The following FNDC3A variants were observed in gnomAD, a reference collection of about 807,000 sequenced individuals.
FNDC3A encodes fibronectin type III domain containing 3A, also known as fibronectin type-III domain-containing protein 3A.
Under a neutral mutation model 148.9 loss-of-function variants are expected in FNDC3A, and 32 were observed. The observed-to-expected ratio is 0.21, with a 90% CI of 0.16 to 0.29. The LOEUF (loss-of-function observed/expected upper bound fraction) is 0.29. Among genes scored for constraint, FNDC3A ranks in the 10% least tolerant of loss-of-function variants. The pLI is 1.00. For missense variants in FNDC3A, 1,191 were observed against 1,452.8 expected (o/e 0.82, Z 2.93); for synonymous variants, 472 against 473.6 (o/e 1.00, Z 0.04).
chr13:49,207,350 T>C lies in FNDC3A; in HGVS notation c.3552T>C (p.Phe1184=). The part of the protein sequence containing the change: ...AAVILVLFAF[F]SILIAFIIQY... ...TCATCCTTGTGCTGTTTGCTTTCTT[T>C]TCCATTTTGATTGCCTTTATCATTC... The change falls in exon 26 of 26, where the codon TTT becomes TTC. Residue 1184 remains phenylalanine, a synonymous_variant. Transcript: ENST00000492622. 1 of 1,613,126 alleles carries C rather than the reference T, an allele frequency of 6.2e-7. No individual in the cohort carries two copies. The highest frequency in any genetic ancestry group is 8.5e-7 in the Non-Finnish European group (1 of 1,179,092).
intron 2 of FNDC3A, among the ~76,000 whole-genome samples, chr13:49,055,376 A>G (rs1273788104): frequency 2.0e-5 from 3 of 151,790 alleles, no homozygotes; most frequent in South Asian, 2.1e-4. Context: ...CCTCTTGGCC[A>G]GGGCACTCCA....
In FNDC3A at chr13:49,114,915, A is replaced by G. The variant is rs905855995; in HGVS notation, c.252+184A>G. On this transcript the variant is annotated intron_variant, in intron 4 of 25. Coordinates refer to ENST00000492622, the MANE Select transcript of FNDC3A (RefSeq NM_001079673.2). ...GAAAGGAAGAAAAATTTTTATTGGC[A>G]GCACTCATCATTTGTCCTTGTCTTT... Among the ~76,000 whole-genome samples the G allele has an allele frequency of 1.1e-4, 16 of 152,218 alleles. 1 individual carries two copies. Among genetic ancestry groups the G allele is most frequent in the Admixed American group, 1.0e-3 (16 of 15,282 alleles).
intron 14 of FNDC3A, among the ~76,000 whole-genome samples, chr13:49,184,650 T>C (rs902437118): frequency 2.6e-5 from 4 of 152,024 alleles, no homozygotes; most frequent in African/African-American, 7.2e-5. Context: ...GGGGTTTATA[T>C]TGGGGAGAGA....
rs186856704 is a variant in FNDC3A, at chr13:49,208,653, T to G, written c.*1258T>G. The G allele has an allele frequency of 1.5e-3, 230 of 152,778 alleles. No homozygotes were observed. The highest frequency in any genetic ancestry group is 3.5e-4 in the Non-Finnish European group (24 of 68,034). The allele number at this position is 152,778 out of a possible 1,614,324, so 9.5% of individuals were successfully genotyped here. On this transcript the variant is annotated 3_prime_UTR_variant, in exon 26 of 26. Coordinates refer to ENST00000492622, the MANE Select transcript of FNDC3A (RefSeq NM_001079673.2). The stretch of plus-strand genomic sequence containing the variant: ...GACTGAATTTTGTCAAGTATCACAT[T>G]GTACATCTTGCCTAGATGTCGATGA...
chr13:49,180,714 G>A (rs1885258505), intron 14 of FNDC3A, among the ~76,000 whole-genome samples: 2 of 152,018 alleles, frequency 1.3e-5, no homozygotes, highest in African/African-American at 4.8e-5. Context: ...AAATTCCTTA[G>A]CATTCTACTA....
At chr13:49,103,452 T>A (rs918123986) in intron 3 of FNDC3A, among the ~76,000 whole-genome samples, 3 of 152,220 alleles carry the variant, frequency 2.0e-5, no homozygotes, top group Non-Finnish European at 4.4e-5. Flanking sequence ...GTAAAGAATT[T>A]GGACTTCATC....
chr13:49,073,388 A>G (rs780616114), intron 2 of FNDC3A, among the ~76,000 whole-genome samples: 1 of 152,078 alleles, frequency 6.6e-6, no homozygotes, highest in African/African-American at 2.4e-5. Context: ...TCAAAGAAGG[A>G]TAAATTAAAA....
intron 8 of FNDC3A, among the ~76,000 whole-genome samples, chr13:49,162,424 C>G (rs2138027434): frequency 6.6e-6 from 1 of 152,268 alleles, no homozygotes; most frequent in Admixed American, 6.5e-5. Context: ...GTGCATGTGT[C>G]ACGTAGTTCT....
chr13:49,037,911 T>C (rs76555819), intron 2 of FNDC3A, among the ~76,000 whole-genome samples: 2,177 of 152,314 alleles, frequency 0.014, 47 homozygotes, highest in East Asian at 0.082. Flanking sequence ...ACAGATGGCT[T>C]AAGTGCCTTC....
intron 1 of FNDC3A, among the ~76,000 whole-genome samples, chr13:48,997,398 G>A (rs961601725): frequency 6.6e-6 from 1 of 152,234 alleles, no homozygotes; most frequent in African/African-American, 2.4e-5. Flanking sequence ...GTCAGCGGCT[G>A]AGTGAGAAAG....
chr13:49,086,064 T>C (rs1878790953), intron 3 of FNDC3A, among the ~76,000 whole-genome samples: 1 of 152,136 alleles, frequency 6.6e-6, no homozygotes, highest in Admixed American at 6.5e-5. Context: ...TGTATTTTTG[T>C]AGAGACAAGG....
At chr13:49,148,452 C>T (rs895533772) in intron 8 of FNDC3A, among the ~76,000 whole-genome samples, 7 of 152,158 alleles carry the variant, frequency 4.6e-5, no homozygotes, top group African/African-American at 1.7e-4. Context: ...TTCCTAGCAG[C>T]ATTTATTGAG....
intron 1 of FNDC3A, among the ~76,000 whole-genome samples, 199 bp downstream of exon 1, chr13:48,976,376 G>A (rs975482086): frequency 1.8e-4 from 28 of 152,318 alleles, no homozygotes; most frequent in African/African-American, 6.7e-4. Context: ...GAGGGGCAGT[G>A]GGGCCGGGGA....
At position 49,167,338 on chromosome 13, in the gene FNDC3A, C is replaced by T. The variant is rs757575234; in HGVS notation, c.1037+35C>T. 4.1e-6 allele frequency: 5 copies of T among 1,224,120 alleles called. No individual in the cohort carries two copies. In the East Asian group the frequency reaches 9.7e-5, roughly 24 times the overall value. 75.8% of individuals were successfully genotyped at this position (1,224,120 alleles called of 1,614,324 possible). A position where few individuals can be genotyped will look rare whatever the true frequency, so the allele number is the denominator to read the frequency against. On this transcript the variant is annotated intron_variant, in intron 9 of 25. Coordinates refer to ENST00000492622, the MANE Select transcript of FNDC3A (RefSeq NM_001079673.2). Reference sequence around the variant, plus strand: ...TCCTACAGATTGCCTTTATAAGATACAGCATAAGGGGTTTTTTTTTTAAAT... The same window carrying T: ...TCCTACAGATTGCCTTTATAAGATATAGCATAAGGGGTTTTTTTTTTAAAT...
At chr13:49,190,844 T>C (rs1277677579) in intron 17 of FNDC3A, among the ~76,000 whole-genome samples, 171 bp from the exon 18 acceptor site, 1 of 152,234 alleles carries the variant, frequency 6.6e-6, no homozygotes, top group Non-Finnish European at 1.5e-5. Flanking sequence ...AGTTTTTATT[T>C]AATTGGGTTT....
intron 3 of FNDC3A, among the ~76,000 whole-genome samples, chr13:49,103,796 AAC>A (rs1238318627): frequency 6.6e-6 from 1 of 152,234 alleles, no homozygotes; most frequent in African/African-American, 2.4e-5. Flanking sequence ...TATCATGGGA[AAC>A]ACAGAGGCGG....
At chr13:49,093,703 A>G (rs751768738) in intron 3 of FNDC3A, among the ~76,000 whole-genome samples, 26 of 152,154 alleles carry the variant, frequency 1.7e-4, no homozygotes, top group Non-Finnish European at 3.1e-4. Context: ...TAGTCCAACA[A>G]TGATTAGTTC....
chr13:49,177,943 G>T (rs991008196), intron 13 of FNDC3A, among the ~76,000 whole-genome samples: 3 of 152,158 alleles, frequency 2.0e-5, no homozygotes, highest in Non-Finnish European at 4.4e-5. Context: ...GGGGAAAGTT[G>T]CACAACTTTG....
chr13:49,105,778 G>T (rs952162166), intron 3 of FNDC3A, among the ~76,000 whole-genome samples: 12 of 152,078 alleles, frequency 7.9e-5, no homozygotes, highest in Admixed American at 3.3e-4. Context: ...CTTAAAAGTA[G>T]AATTACTAGA....
Sources: gnomAD v4.1 joint callset for allele counts (sites outside exome capture counted in the v4.1 genomes callset) on GRCh38, gnomAD v4.1.1 for gene constraint, MANE v1.5 for transcripts, NCBI Gene and HGNC (gene_info 2026-07-23, HGNC 2026-07-21) for gene names.